The following THRAP3 variants were observed in gnomAD, a reference collection of about 807,000 sequenced individuals.
The protein encoded by THRAP3 is thyroid hormone receptor-associated protein 3.
THRAP3 carries 16 observed loss-of-function variants against 101.0 expected under a neutral mutation model. The ratio of observed to expected loss-of-function variants is 0.16; its 90% CI spans 0.11 to 0.24. The LOEUF is 0.24. Among genes scored for constraint, THRAP3 ranks in the 10% least tolerant of loss-of-function variants. The pLI is 1.00. For synonymous variants in THRAP3, 407 were observed against 422.6 expected, an observed-to-expected ratio of 0.96 and a Z score of 0.45; for missense variants, 989 against 1,202.7, an observed-to-expected ratio of 0.82 and a Z score of 2.63.
chr1:36,220,340 A>G (rs1363909160), upstream of THRAP3, among the ~76,000 whole-genome samples: 1 of 152,152 alleles, frequency 6.6e-6, no homozygotes, highest in Non-Finnish European at 1.5e-5. Flanking sequence ...TCTATAGCCC[A>G]TGGATAAAAG....
At chr1:36,290,887 T>C (rs1272405215) in intron 5 of THRAP3, among the ~76,000 whole-genome samples, 1 of 152,162 alleles carries the variant, frequency 6.6e-6, no homozygotes, top group African/African-American at 2.4e-5. Flanking sequence ...CAGCTGGAAG[T>C]CTATGTGAAC....
the THRAP3 span, among the ~76,000 whole-genome samples, chr1:36,219,269 G>A: frequency 6.6e-6 from 1 of 152,120 alleles, no homozygotes; most frequent in Non-Finnish European, 1.5e-5. Context: ...AGCTACCAGA[G>A]TTTGGTTCGT....
At chr1:36,221,694 G>C (rs749433988), upstream of THRAP3, among the ~76,000 whole-genome samples, 19 of 151,544 alleles carry the variant, frequency 1.3e-4, no homozygotes, top group African/African-American at 2.4e-4. Flanking sequence ...AGCGATTCTC[G>C]TGCCTCAACA....
In THRAP3 at chr1:36,296,566, G is replaced by T; in HGVS notation, c.2116-17G>T. 1 of 1,514,464 alleles carries T rather than the reference G, an allele frequency of 6.6e-7. No individual in the cohort carries two copies. The highest frequency in any genetic ancestry group is 1.3e-5 in the South Asian group (1 of 74,174). The allele number at this position is 1,514,464 out of a possible 1,614,324, so 93.8% of individuals were successfully genotyped here. A position where few individuals can be genotyped will look rare whatever the true frequency, so the allele number is the denominator to read the frequency against. ...TCTGAATCCCAGAAACCTTAATTTT[G>T]GCTTATCTTTTGATAGGCTGAGGGA... is the stretch of plus-strand genomic sequence containing the variant. On this transcript the variant is annotated splice_polypyrimidine_tract_variant and intron_variant, in intron 8 of 11. Coordinates refer to ENST00000354618, the MANE Select transcript of THRAP3 (RefSeq NM_005119.4).
intron 1 of THRAP3, among the ~76,000 whole-genome samples, chr1:36,239,853 G>C (rs1645134192): frequency 1.3e-5 from 2 of 152,022 alleles, no homozygotes; most frequent in African/African-American, 4.8e-5. Flanking sequence ...TTTTTTCGTG[G>C]TAAAATATGT....
At chr1:36,226,422 G>A (rs934210182) in intron 1 of THRAP3, among the ~76,000 whole-genome samples, 11 of 152,120 alleles carry the variant, frequency 7.2e-5, no homozygotes, top group Non-Finnish European at 1.6e-4. Flanking sequence ...ACCACGCCTG[G>A]CTCATTTTTG....
chr1:36,303,008 T>A (rs1268200720), intron 11 of THRAP3, among the ~76,000 whole-genome samples: 1 of 152,130 alleles, frequency 6.6e-6, no homozygotes, highest in African/African-American at 2.4e-5. Context: ...TGCAGTGGTA[T>A]GATCTTGGCT....
chr1:36,248,110 C>T (rs1645253598), intron 1 of THRAP3, among the ~76,000 whole-genome samples: 1 of 152,194 alleles, frequency 6.6e-6, no homozygotes, highest in East Asian at 1.9e-4. Flanking sequence ...GAACTCCAGA[C>T]CTCAGGTGAT....
chr1:36,262,222 A>G (rs1256942291), intron 2 of THRAP3, among the ~76,000 whole-genome samples: 1 of 152,176 alleles, frequency 6.6e-6, no homozygotes, highest in Non-Finnish European at 1.5e-5. Flanking sequence ...TAGAAATCCC[A>G]TGTTTATTTT....
At chr1:36,289,882 T>TA (rs1444407345) in intron 5 of THRAP3, 118 bp downstream of exon 5, 25 of 1,349,880 alleles carry the variant, frequency 1.9e-5, no homozygotes, top group Non-Finnish European at 2.3e-5. Context: ...TCAGTGGTGA[T>TA]ACTTTCATGT....
Position 36,291,373 on chromosome 1 carries a change from G to A in THRAP3, c.1746-1G>A, listed in dbSNP as rs1247154243. The A allele has an allele frequency of 6.2e-7, 1 of 1,612,732 alleles. No homozygotes were observed. The highest frequency in any genetic ancestry group is 8.5e-7 in the Non-Finnish European group (1 of 1,179,634). ...TGGGCCTCCCCATATTTCTTTTTCA[G>A]ACCCAGTGGCTTATTGGCTCAGGAA... On this transcript the variant is annotated splice_acceptor_variant, in intron 5 of 11. Coordinates refer to ENST00000354618, the MANE Select transcript of THRAP3 (RefSeq NM_005119.4). LOFTEE classifies it high-confidence loss of function.
chr1:36,270,209 C>T (rs944206387), intron 2 of THRAP3, among the ~76,000 whole-genome samples: 1 of 152,070 alleles, frequency 6.6e-6, no homozygotes, highest in African/African-American at 2.4e-5. Context: ...GGCAACATGG[C>T]GAGACCTTGT....
At chr1:36,233,246 G>A (rs1437498169) in intron 1 of THRAP3, among the ~76,000 whole-genome samples, 2 of 149,938 alleles carry the variant, frequency 1.3e-5, no homozygotes, top group Admixed American at 1.3e-4. Context: ...GGTGGCTCAC[G>A]CCTGTAATCC....
intron 1 of THRAP3, among the ~76,000 whole-genome samples, chr1:36,244,024 AC>A (rs1422327281): frequency 9.9e-5 from 12 of 121,252 alleles, no homozygotes; most frequent in Non-Finnish European, 1.4e-4. Flanking sequence ...CGGGGGGCTG[AC>A]CCCCCCACCT....
chr1:36,303,496 G>A (rs1382256714), intron 11 of THRAP3, among the ~76,000 whole-genome samples: 3 of 152,134 alleles, frequency 2.0e-5, no homozygotes, highest in South Asian at 4.1e-4. Context: ...GCTCAGTGAC[G>A]TTTTTATTTT....
At chr1:36,213,783 G>A in the THRAP3 span, among the ~76,000 whole-genome samples, 2 of 151,626 alleles carry the variant, frequency 1.3e-5, no homozygotes, top group Non-Finnish European at 2.9e-5. Context: ...GAAGGTGGAA[G>A]TTGCAGTGAG....
intron 8 of THRAP3, among the ~76,000 whole-genome samples, chr1:36,294,689 C>T (rs760818437): frequency 6.6e-6 from 1 of 152,178 alleles, no homozygotes; most frequent in Non-Finnish European, 1.5e-5. Flanking sequence ...TGGGCAGTCT[C>T]TCTTCTCTCC....
At chr1:36,303,469 A>T (rs979176431) in intron 11 of THRAP3, among the ~76,000 whole-genome samples, 20 of 152,312 alleles carry the variant, frequency 1.3e-4, no homozygotes, top group East Asian at 1.9e-4. Context: ...GATAGTACAT[A>T]AATGTCTTAC....
intron 1 of THRAP3, among the ~76,000 whole-genome samples, chr1:36,241,262 A>G (rs1328828672): frequency 6.7e-6 from 1 of 150,192 alleles, no homozygotes; most frequent in Non-Finnish European, 1.5e-5. Context: ...CTCTCACCAC[A>G]CTTGTTTTTG....
Sources: gnomAD v4.1 joint callset for allele counts (sites outside exome capture counted in the v4.1 genomes callset) on GRCh38, gnomAD v4.1.1 for gene constraint, MANE v1.5 for transcripts, NCBI Gene and HGNC (gene_info 2026-07-23, HGNC 2026-07-21) for gene names.